APBB1: variants seen among roughly 807,000 people sequenced by gnomAD.
APBB1 encodes amyloid beta precursor protein binding family B member 1.
Under a neutral mutation model 78.4 loss-of-function variants are expected in APBB1, and 22 were observed. The observed-to-expected ratio is 0.28, with a 90% CI of 0.20 to 0.40. The LOEUF (loss-of-function observed/expected upper bound fraction) is 0.40, where lower values mean the gene tolerates loss of function less well. Ranked by LOEUF, APBB1 falls within the 10% of genes least tolerant of loss-of-function variation. The pLI, the probability that APBB1 is intolerant of heterozygous loss-of-function variation, is 1.00. For synonymous variants in APBB1, 369 were observed against 372.7 expected, an observed-to-expected ratio of 0.99 and a Z score of 0.12; for missense variants, 749 against 932.4, an observed-to-expected ratio of 0.80 and a Z score of 2.56.
Position 6,403,866 on chromosome 11 carries a change from C to G in APBB1, c.722-44G>C. On this transcript the variant is annotated intron_variant, in intron 2 of 14. Coordinates refer to ENST00000609360, the MANE Select transcript of APBB1 (RefSeq NM_001164.5). This position sits in a 1 kb window ranked among gnomAD's most constrained non-coding sequence, Gnocchi z 5.3. ...GGTGAGGGTCAGCCTACCCAAAGAGCAGACAGCTGGTGCCTATGCCCGGTC... is the reference window on the plus strand; with the variant it reads ...GGTGAGGGTCAGCCTACCCAAAGAGGAGACAGCTGGTGCCTATGCCCGGTC... 2.0e-6 allele frequency: 3 copies of G among 1,517,508 alleles called. No individual in the cohort carries two copies. The highest frequency in any genetic ancestry group is 3.6e-4 in the Middle Eastern group (2 of 5,510). 94.0% of individuals were successfully genotyped at this position (1,517,508 alleles called of 1,614,324 possible). A position where few individuals can be genotyped will look rare whatever the true frequency, so the allele number is the denominator to read the frequency against.
chr11:6,404,255 C>T (rs1209685002), intron 2 of APBB1, among the ~76,000 whole-genome samples: 1 of 152,230 alleles, frequency 6.6e-6, no homozygotes, highest in Non-Finnish European at 1.5e-5. Flanking sequence ...CAGCCACAAA[C>T]ACCAGGGTAT....
At chr11:6,404,905 C>T (rs1323165185) in intron 2 of APBB1, 11 of 1,488,468 alleles carry the variant, frequency 7.4e-6, no homozygotes, top group Admixed American at 4.6e-5. Flanking sequence ...AAGCTCATCC[C>T]GCCCCCTTCT....
chr11:6,413,899 A>C lies in APBB1; in HGVS notation c.-14-2538T>G, dbSNP rs893371606. 1.9e-4 allele frequency among the ~76,000 whole-genome samples: 29 copies of C among 151,874 alleles called. 1 individual carries two copies. Among genetic ancestry groups the C allele is most frequent in the African/African-American group, 4.8e-5 (2 of 41,328 alleles). On this transcript the variant is annotated intron_variant, in intron 1 of 14. Transcript: ENST00000609360. ...TGGGGCTGTTGATCTGCTCAGTGTG[A>C]CTCCTCCTGGCCAATGAGAAAACTC...
intron 2 of APBB1, chr11:6,404,583 CAT>C: frequency 6.5e-7 from 1 of 1,535,856 alleles, no homozygotes; most frequent in Non-Finnish European, 8.7e-7. Context: ...TGCAAGCAAA[CAT>C]GTCATGCACA....
Position 6,403,408 on chromosome 11 carries a change from G to A in APBB1, c.955-4C>T, listed in dbSNP as rs372628228. The A allele has an allele frequency of 9.9e-6, 16 of 1,614,128 alleles. No homozygotes were observed. Among genetic ancestry groups the A allele is most frequent in the Non-Finnish European group, 1.4e-5 (16 of 1,179,992 alleles). On this transcript the variant is annotated splice_region_variant and splice_polypyrimidine_tract_variant and intron_variant, in intron 4 of 14. Transcript: ENST00000609360. The surrounding 1 kb of genome is among the most constrained non-coding windows in gnomAD (Gnocchi z 5.3). ...GGGCCTCATCACTGGGTTCATCCTT[G>A]GGAAGGGGATTGAGGAATCAGTATC...
Position 6,402,171 on chromosome 11 carries a change from T to C in APBB1, c.1293A>G (p.Leu431=). Residue 431 remains leucine (L), a synonymous_variant, in exon 8 of 15, where the codon CTA becomes CTG. Coordinates refer to ENST00000609360, the MANE Select transcript of APBB1 (RefSeq NM_001164.5). Reference sequence around the variant, plus strand: ...CCTGGCTCTGTGGCTCCACTAGCTTTAGTGTCTCATCCTCCAGCTGCAGTA... The same window carrying C: ...CCTGGCTCTGTGGCTCCACTAGCTTCAGTGTCTCATCCTCCAGCTGCAGTA... ...DLLLQLEDET[L]KLVEPQSQAL... 6.2e-7 allele frequency: 1 copy of C among 1,614,086 alleles called. No homozygotes were observed.
At chr11:6,419,119 A>G (rs535232514), upstream of APBB1, 3,502 of 368,530 alleles carry the variant, frequency 9.5e-3, 116 homozygotes, top group African/African-American at 0.067. Context: ...CGAGCGGCGG[A>G]GGCGCGCGCA....
chr11:6,403,257 G>A lies in APBB1; in HGVS notation c.1041-49C>T. 3.1e-6 allele frequency: 5 copies of A among 1,610,588 alleles called. No individual in the cohort carries two copies. Among genetic ancestry groups the A allele is most frequent in the Non-Finnish European group, 4.2e-6 (5 of 1,177,942 alleles). On this transcript the variant is annotated intron_variant, in intron 5 of 14. Transcript: ENST00000609360. This position sits in a 1 kb window ranked among gnomAD's most constrained non-coding sequence, Gnocchi z 5.3. ...GCACAGGGCTCCCATAAATGGAGCT[G>A]TCCCAAGGCCCCTTCCAGACAGATC...
chr11:6,418,754 G>C (rs1483053408), intron 1 of APBB1, among the ~76,000 whole-genome samples: 5 of 152,176 alleles, frequency 3.3e-5, no homozygotes, highest in African/African-American at 4.8e-5. Context: ...CACCCCGAGG[G>C]GCAGGAGGTA....
intron 1 of APBB1, among the ~76,000 whole-genome samples, chr11:6,417,134 T>C (rs1377159419): frequency 2.0e-5 from 3 of 152,234 alleles, no homozygotes; most frequent in Non-Finnish European, 2.9e-5. Context: ...GTCACACTGC[T>C]CTGCAGCCTC....
intron 6 of APBB1, 146 bp downstream of exon 6, chr11:6,402,999 A>C: frequency 1.1e-6 from 1 of 876,556 alleles, no homozygotes; most frequent in Non-Finnish European, 1.8e-6. Flanking sequence ...CCTCCAGCTC[A>C]GACACAGGGC....
intron 2 of APBB1, among the ~76,000 whole-genome samples, chr11:6,410,022 T>C (rs897801110): frequency 1.3e-5 from 2 of 149,446 alleles, no homozygotes; most frequent in African/African-American, 2.5e-5. Flanking sequence ...TGCTGGCTGC[T>C]CCCAACAGGC....
intron 2 of APBB1, among the ~76,000 whole-genome samples, chr11:6,406,086 T>A (rs187224414): frequency 1.4e-3 from 219 of 152,336 alleles, no homozygotes; most frequent in African/African-American, 4.5e-3. Context: ...TTCTCCCCCC[T>A]TGGCCATCTG....
chr11:6,413,719 C>T (rs1037226485), intron 1 of APBB1, among the ~76,000 whole-genome samples: 2 of 152,132 alleles, frequency 1.3e-5, no homozygotes, highest in Non-Finnish European at 2.9e-5. Flanking sequence ...GATCCACCCG[C>T]CTCAGCCTCC....
At position 6,400,983 on chromosome 11, in the gene APBB1, A is replaced by G; in HGVS notation, c.1672+6T>C. Reference sequence around the variant, plus strand: ...GCAGCCCCTGGGTATAGAAGGACACACATACCAACAGGTTTAGCAACAGGT... The same window carrying G: ...GCAGCCCCTGGGTATAGAAGGACACGCATACCAACAGGTTTAGCAACAGGT... On this transcript the variant is annotated splice_donor_region_variant and intron_variant, in intron 12 of 14. Coordinates refer to ENST00000609360, the MANE Select transcript of APBB1 (RefSeq NM_001164.5). 1 of 1,613,574 alleles carries G rather than the reference A, an allele frequency of 6.2e-7. No individual in the cohort carries two copies. The highest frequency in any genetic ancestry group is 1.1e-5 in the South Asian group (1 of 91,076).
chr11:6,404,628 C>T (rs754051773), intron 2 of APBB1: 165 of 1,536,194 alleles, frequency 1.1e-4, no homozygotes, highest in Non-Finnish European at 1.3e-4. Context: ...GTCATACACC[C>T]TTGTCTGCCG....
At chr11:6,414,134 CT>C in intron 1 of APBB1, among the ~76,000 whole-genome samples, 1 of 152,274 alleles carries the variant, frequency 6.6e-6, no homozygotes, top group East Asian at 1.9e-4. Context: ...CCCTCCCCAC[CT>C]CCCGCCTCCT....
intron 1 of APBB1, among the ~76,000 whole-genome samples, chr11:6,416,650 GGTACT>G (rs1849124091): frequency 1.3e-5 from 2 of 152,044 alleles, no homozygotes; most frequent in Admixed American, 1.3e-4. Flanking sequence ...TCCATCTCTA[GGTACT>G]GATGATTTCC....
rs971079548 is a variant in APBB1 at position 6,401,184 on chromosome 11, T to A, written c.1589-112A>T. 1.6e-5 allele frequency: 25 copies of A among 1,611,812 alleles called. No individual in the cohort carries two copies. The Admixed American group carries it at 4.0e-4, about 26-fold the overall frequency. On this transcript the variant is annotated intron_variant, in intron 11 of 14. Coordinates refer to ENST00000609360, the MANE Select transcript of APBB1 (RefSeq NM_001164.5). This position sits in a 1 kb window ranked among gnomAD's most constrained non-coding sequence, Gnocchi z 4.5. The stretch of plus-strand genomic sequence containing the variant: ...CAGCCGAGGCCCTACTTTCATCTCG[T>A]CCCCTGCCTCCCTTTAACCGGAGTC...
Sources: allele counts gnomAD v4.1 joint callset (sites outside exome capture counted in the v4.1 genomes callset), GRCh38; gene constraint gnomAD v4.1.1; non-coding constraint Gnocchi (gnomAD v3.1); transcripts MANE v1.5; gene names NCBI Gene and HGNC (gene_info 2026-07-23, HGNC 2026-07-21).